SAMD5: variants seen among roughly 807,000 people sequenced by gnomAD.
SAMD5 encodes sterile alpha motif domain-containing protein 5.
SAMD5 carries 13 observed loss-of-function variants against 11.3 expected under a neutral mutation model. The ratio of observed to expected loss-of-function variants is 1.15; its 90% confidence interval spans 0.75 to 1.83. The LOEUF (loss-of-function observed/expected upper bound fraction) is 1.83. Among genes scored for constraint, SAMD5 ranks in the 40% most tolerant of loss-of-function variants. SAMD5 has a pLI of 0.00. For missense variants in SAMD5, 255 were observed against 239.1 expected (o/e 1.07, Z -0.44); for synonymous variants, 129 against 111.3 (o/e 1.16, Z -1.00).
chr6:147,712,693 T>C (rs1373867942), intron 1 of SAMD5, among the ~76,000 whole-genome samples: 1 of 151,810 alleles, frequency 6.6e-6, no homozygotes, highest in African/African-American at 2.4e-5. Flanking sequence ...GCATGTGCCA[T>C]GGAAAGGCTA....
chr6:147,698,344 AGT>A lies in SAMD5; in HGVS notation c.163-38967_163-38966del, dbSNP rs1791207411. On this transcript the variant is annotated intron_variant, in intron 1 of 1. Coordinates refer to the SAMD5 transcript ENST00000566741. Reference sequence around the variant, plus strand: ...CTAATGTTATCATCTTGGGTATTCCAGTGTGTGAGTTTTGCCAAGCCGCAAAC... The same window carrying A: ...CTAATGTTATCATCTTGGGTATTCCAGTGTGAGTTTTGCCAAGCCGCAAAC... Among the ~76,000 whole-genome samples, 3 of 152,262 alleles carry A rather than the reference AGT, an allele frequency of 2.0e-5. No individual in the cohort carries two copies. The South Asian group carries it at 6.2e-4, about 32-fold the overall frequency.
At chr6:147,675,935 A>C in intron 1 of SAMD5, 1 of 152,212 alleles carries the variant, frequency 6.6e-6, no homozygotes, top group East Asian at 1.9e-4. Context: ...AATATGTTGG[A>C]GAATACCAAG....
At chr6:147,692,450 T>C (rs1254438275) in intron 1 of SAMD5, 1 of 152,204 alleles carries the variant, frequency 6.6e-6, no homozygotes, top group Non-Finnish European at 1.5e-5. Context: ...GCAGCTTTGT[T>C]AAACAGAAAG....
intron 1 of SAMD5, among the ~76,000 whole-genome samples, chr6:147,526,687 A>G (rs1207681453): frequency 6.6e-6 from 1 of 152,250 alleles, no homozygotes; most frequent in African/African-American, 2.4e-5. Context: ...AGCTTTTTGT[A>G]TATTCAGCAG....
At chr6:147,547,214 A>G (rs1472623299) in intron 1 of SAMD5, among the ~76,000 whole-genome samples, 1 of 152,244 alleles carries the variant, frequency 6.6e-6, no homozygotes, top group African/African-American at 2.4e-5. Context: ...CATAATAAAT[A>G]GCCACAAACT....
intron 1 of SAMD5, among the ~76,000 whole-genome samples, chr6:147,637,804 A>G (rs763583020): frequency 3.3e-5 from 5 of 151,982 alleles, no homozygotes; most frequent in Admixed American, 6.5e-5. Context: ...GTAGGCTGTC[A>G]TCAGAGTGCT....
intron 1 of SAMD5, 35 bp downstream of exon 1, chr6:147,509,422 C>G: frequency 6.7e-7 from 1 of 1,490,952 alleles, no homozygotes; most frequent in Non-Finnish European, 8.9e-7. Flanking sequence ...CCGGGGCGCG[C>G]GGCGGGAGGG....
At chr6:147,655,622 ATATT>A (rs1790554179) in intron 1 of SAMD5, among the ~76,000 whole-genome samples, 2 of 152,190 alleles carry the variant, frequency 1.3e-5, no homozygotes, top group Non-Finnish European at 2.9e-5. Flanking sequence ...ATGCTAAAGA[ATATT>A]TATGTAATTT....
the SAMD5 span, among the ~76,000 whole-genome samples, chr6:147,797,286 G>A: frequency 6.9e-6 from 1 of 145,476 alleles, no homozygotes; most frequent in Non-Finnish European, 1.5e-5. Context: ...AAGGGTTGTT[G>A]AATTTTGTCA....
chr6:147,587,668 A>G (rs1298459004), intron 1 of SAMD5, among the ~76,000 whole-genome samples: 1 of 152,226 alleles, frequency 6.6e-6, no homozygotes, highest in African/African-American at 2.4e-5. Context: ...TAATATGCCA[A>G]CAGGGATATG....
chr6:147,873,551 T>C, the SAMD5 span, among the ~76,000 whole-genome samples: 1 of 152,100 alleles, frequency 6.6e-6, no homozygotes, highest in Non-Finnish European at 1.5e-5. Flanking sequence ...GAAAATAAAA[T>C]TATTTTGAAA....
At chr6:147,781,984 G>A in the SAMD5 span, among the ~76,000 whole-genome samples, 2 of 151,836 alleles carry the variant, frequency 1.3e-5, no homozygotes, top group Non-Finnish European at 2.9e-5. Context: ...AATATGGAGT[G>A]GTAGACAATA....
the SAMD5 span, among the ~76,000 whole-genome samples, chr6:147,765,249 G>A: frequency 4.9e-4 from 75 of 152,118 alleles, no homozygotes; most frequent in Non-Finnish European, 8.2e-4. Context: ...TCCTTTGTTA[G>A]CTCTGTATGA....
the SAMD5 span, among the ~76,000 whole-genome samples, chr6:147,907,707 C>G: frequency 6.6e-6 from 1 of 152,140 alleles, no homozygotes; most frequent in African/African-American, 2.4e-5. Flanking sequence ...GGATTGCCCT[C>G]TTAGAGAGTT....
At chr6:147,809,353 C>T in the SAMD5 span, among the ~76,000 whole-genome samples, 1 of 152,092 alleles carries the variant, frequency 6.6e-6, no homozygotes, top group Non-Finnish European at 1.5e-5. Flanking sequence ...ACTCCACCTC[C>T]TCCCCAGCTT....
At chr6:147,525,215 A>G (rs1266689077) in intron 1 of SAMD5, among the ~76,000 whole-genome samples, 1 of 150,082 alleles carries the variant, frequency 6.7e-6, no homozygotes, top group Non-Finnish European at 1.5e-5. Context: ...ATAACTGCTC[A>G]ATCAGTAGGG....
the SAMD5 span, among the ~76,000 whole-genome samples, chr6:147,909,632 C>CTCTTTCTTTCTTTCTTTCTT: frequency 1.6e-5 from 1 of 61,152 alleles, no homozygotes; most frequent in Non-Finnish European, 2.9e-5. Context: ...TTCTTTCTTT[C>CTCTTTCTTTCTTTCTTTCTT]TCTTTCTTGT....
the SAMD5 span, among the ~76,000 whole-genome samples, chr6:147,897,973 A>T: frequency 1.4e-5 from 2 of 138,076 alleles, no homozygotes; most frequent in African/African-American, 5.5e-5. Context: ...AAAAAAAAAA[A>T]AAGTAGCCAG....
At chr6:147,712,016 G>T (rs1327641527) in intron 1 of SAMD5, among the ~76,000 whole-genome samples, 2 of 152,136 alleles carry the variant, frequency 1.3e-5, no homozygotes, top group Non-Finnish European at 2.9e-5. Flanking sequence ...GGGAGATAAA[G>T]AAATTTTTGA....
Sources: allele counts gnomAD v4.1 joint callset (sites outside exome capture counted in the v4.1 genomes callset), GRCh38; gene constraint gnomAD v4.1.1; transcripts MANE v1.5; gene names NCBI Gene and HGNC (gene_info 2026-07-23, HGNC 2026-07-21).